OSBPL3: variants seen among roughly 807,000 people sequenced by gnomAD.
OSBPL3 encodes oxysterol binding protein like 3.
In OSBPL3, 65 loss-of-function variants were observed where a neutral mutation model predicts 120.1. The observed-to-expected ratio is 0.54, with a 90% CI of 0.44 to 0.67. OSBPL3 has a LOEUF of 0.67. Ranked by LOEUF, OSBPL3 falls within the 30% of genes least tolerant of loss-of-function variation. OSBPL3 has a pLI of 0.00. For synonymous variants in OSBPL3, 416 were observed against 402.6 expected (o/e 1.03, Z -0.40); for missense variants, 1,004 against 1,082.1 (o/e 0.93, Z 1.01).
rs1270553842 is a variant in OSBPL3 at position 24,817,252 on chromosome 7, C to A, written c.1949-564G>T. Among the ~76,000 whole-genome samples, 1 of 152,196 alleles carries A rather than the reference C, an allele frequency of 6.6e-6. No homozygotes were observed. Among genetic ancestry groups the A allele is most frequent in the Non-Finnish European group, 1.5e-5 (1 of 68,040 alleles). ...GAGAACAAAACCAGGTGCAGTGGCT[C>A]ATGCCTGTAATCCTAGCACTTTGGG... is the stretch of plus-strand genomic sequence containing the variant. On this transcript the variant is annotated intron_variant, in intron 17 of 22. Transcript: ENST00000313367. This position sits in a 1 kb window ranked among gnomAD's most constrained non-coding sequence, Gnocchi z 4.0.
rs112705502 is a variant in OSBPL3, at chr7:24,894,933, T to C, written c.-149-2312A>G. Among the ~76,000 whole-genome samples the C allele has an allele frequency of 7.7e-4, 117 of 152,278 alleles. 1 individual carries two copies. Among genetic ancestry groups the C allele is most frequent in the African/African-American group, 2.8e-3 (115 of 41,556 alleles). ...ATCCAATAGCTATCAAAGTTGGCACTTAGAGCCAAGGGCTCTGCCAGCATG... is the reference window on the plus strand; with the variant it reads ...ATCCAATAGCTATCAAAGTTGGCACCTAGAGCCAAGGGCTCTGCCAGCATG... On this transcript the variant is annotated intron_variant, in intron 1 of 22. Transcript: ENST00000313367. The surrounding 1 kb of genome is among the most constrained non-coding windows in gnomAD (Gnocchi z 4.1).
chr7:24,819,817 A>C lies in OSBPL3; in HGVS notation c.1948+358T>G, dbSNP rs1234812171. On this transcript the variant is annotated intron_variant, in intron 17 of 22. Transcript: ENST00000313367. This position sits in a 1 kb window ranked among gnomAD's most constrained non-coding sequence, Gnocchi z 4.1. ...TTTAGGAACAATCATCTCAAAAATG[A>C]AAAGAAGTAAGCAATGTAAAACACG... Among the ~76,000 whole-genome samples, 1 of 152,242 alleles carries C rather than the reference A, an allele frequency of 6.6e-6. No individual in the cohort carries two copies. Among genetic ancestry groups the C allele is most frequent in the African/African-American group, 2.4e-5 (1 of 41,464 alleles).
At chr7:24,846,011 G>A (rs2128215620) in intron 12 of OSBPL3, among the ~76,000 whole-genome samples, 1 of 152,266 alleles carries the variant, frequency 6.6e-6, no homozygotes, top group South Asian at 2.1e-4. Context: ...TTATAATAAT[G>A]TAATAAATTT....
intron 1 of OSBPL3, among the ~76,000 whole-genome samples, chr7:24,925,755 C>T (rs896943135): frequency 2.6e-5 from 4 of 152,178 alleles, no homozygotes; most frequent in African/African-American, 9.7e-5. Context: ...AGAGATAGGT[C>T]CTACTGATGG....
chr7:24,855,942 C>T lies in OSBPL3; in HGVS notation c.1028-3308G>A, dbSNP rs570758422. Among the ~76,000 whole-genome samples the T allele has an allele frequency of 1.1e-4, 16 of 152,330 alleles. No individual in the cohort carries two copies. The highest frequency in any genetic ancestry group is 3.3e-4 in the Admixed American group (5 of 15,314). On this transcript the variant is annotated intron_variant, in intron 10 of 22. Coordinates refer to ENST00000313367, the MANE Select transcript of OSBPL3 (RefSeq NM_015550.4). This position sits in a 1 kb window ranked among gnomAD's most constrained non-coding sequence, Gnocchi z 4.3. ...CAACTCTTCACATCTCCAGCTTCCC[C>T]GCCAAATGGTCTGCTGGCCCACGCT...
intron 1 of OSBPL3, among the ~76,000 whole-genome samples, chr7:24,941,094 C>G (rs1257908995): frequency 6.6e-6 from 1 of 152,200 alleles, no homozygotes; most frequent in East Asian, 1.9e-4. Flanking sequence ...GCTGGGATTA[C>G]AGGCGTGAGC....
intron 12 of OSBPL3, among the ~76,000 whole-genome samples, chr7:24,845,716 C>G (rs76945944): frequency 0.045 from 6,761 of 149,608 alleles, 241 homozygotes; most frequent in African/African-American, 0.095. Context: ...TCTATTGCAA[C>G]CCAATTTAGA....
intron 1 of OSBPL3, among the ~76,000 whole-genome samples, chr7:24,901,795 G>A (rs79855739): frequency 0.015 from 2,288 of 152,324 alleles, 48 homozygotes; most frequent in African/African-American, 0.051. Context: ...ACAAGACAAT[G>A]TGTGCACCAA....
chr7:24,946,097 C>T lies in OSBPL3; in HGVS notation c.-150+33789G>A, dbSNP rs1004072366. Among the ~76,000 whole-genome samples, 6 of 152,078 alleles carry T rather than the reference C, an allele frequency of 3.9e-5. 1 individual carries two copies. In the South Asian group the frequency reaches 1.2e-3, roughly 32 times the overall value. Reference sequence around the variant, plus strand: ...TCAGCTGGGTAGGTGTCCTAGGTGGCTCCCTCCCAAGGCTGGTAGTCAATG... The same window carrying T: ...TCAGCTGGGTAGGTGTCCTAGGTGGTTCCCTCCCAAGGCTGGTAGTCAATG... On this transcript the variant is annotated intron_variant, in intron 1 of 22. Transcript: ENST00000313367. The surrounding 1 kb of genome is among the most constrained non-coding windows in gnomAD (Gnocchi z 4.3).
Position 24,879,076 on chromosome 7 carries a change from GA to G in OSBPL3, c.97-7008del, listed in dbSNP as rs1803269580. On this transcript the variant is annotated intron_variant, in intron 2 of 22. Transcript: ENST00000313367. This position sits in a 1 kb window ranked among gnomAD's most constrained non-coding sequence, Gnocchi z 5.6. The stretch of plus-strand genomic sequence containing the variant: ...TGTCTTACTATCTAATGAGTGCTAT[GA>G]AAAATGGCAAAAACATGGCTGATCT... Among the ~76,000 whole-genome samples the G allele has an allele frequency of 6.6e-6, 1 of 152,196 alleles. No individual in the cohort carries two copies. Among genetic ancestry groups the G allele is most frequent in the Non-Finnish European group, 1.5e-5 (1 of 68,040 alleles).
At chr7:24,866,326 CCT>C in intron 5 of OSBPL3, 89 bp from the exon 6 acceptor site, 3 of 999,552 alleles carry the variant, frequency 3.0e-6, no homozygotes, top group Middle Eastern at 2.3e-4. Flanking sequence ...CTCTCAAAAT[CCT>C]CTTTTTCAGT....
At chr7:24,950,437 T>C (rs1394145343) in intron 1 of OSBPL3, among the ~76,000 whole-genome samples, 3 of 152,190 alleles carry the variant, frequency 2.0e-5, no homozygotes, top group African/African-American at 7.2e-5. Context: ...ACACAAAACA[T>C]GTAGGCCGGG....
chr7:24,978,100 C>T (rs1817784843), intron 1 of OSBPL3, among the ~76,000 whole-genome samples: 1 of 152,192 alleles, frequency 6.6e-6, no homozygotes, highest in Non-Finnish European at 1.5e-5. Flanking sequence ...CCTAGTTCTG[C>T]CAGGATAACC....
rs34702159 is a variant in OSBPL3 at position 24,852,515 on chromosome 7, C to A, written c.1147G>T (p.Ala383Ser). The A allele has an allele frequency of 5.7e-6, 9 of 1,581,354 alleles. No homozygotes were observed. The highest frequency in any genetic ancestry group is 6.8e-6 in the Non-Finnish European group (8 of 1,170,458). The part of the protein sequence containing the change: ...PSAQVIGLKN[A>S]LSSALAQNTD... ...GACATGTAACTTACGGATGACAGGG[C>A]GTTCTTCAGACCAATGACCTGAGCA... The change falls in exon 11 of 23, where the codon GCC becomes TCC. Residue 383 changes from alanine (A) to serine (S), a missense_variant. Around this residue, in one of 4 missense-constraint regions of OSBPL3, gnomAD observed 272 missense variants for 248.8 expected, o/e 1.09. Coordinates refer to ENST00000313367, the MANE Select transcript of OSBPL3 (RefSeq NM_015550.4). The surrounding 1 kb of genome is among the most constrained non-coding windows in gnomAD (Gnocchi z 4.1).
Position 24,818,980 on chromosome 7 carries a change from C to T in OSBPL3, c.1948+1195G>A, listed in dbSNP as rs536460301. ...AAAAAAAATCCAACTTTTGGCTGGG[C>T]GCAGTGGCTCATGCCTGTAATCCCA... On this transcript the variant is annotated intron_variant, in intron 17 of 22. Transcript: ENST00000313367. The surrounding 1 kb of genome is among the most constrained non-coding windows in gnomAD (Gnocchi z 4.0). Among the ~76,000 whole-genome samples, 74 of 152,240 alleles carry T rather than the reference C, an allele frequency of 4.9e-4. No homozygotes were observed. The highest frequency in any genetic ancestry group is 3.4e-3 in the Middle Eastern group (1 of 294).
At chr7:24,841,324 T>C (rs969498060) in intron 13 of OSBPL3, among the ~76,000 whole-genome samples, 3 of 151,714 alleles carry the variant, frequency 2.0e-5, no homozygotes, top group Admixed American at 6.6e-5. Context: ...TTATATATTA[T>C]AAATCAATAT....
intron 1 of OSBPL3, among the ~76,000 whole-genome samples, chr7:24,948,399 A>T (rs74568114): frequency 0.028 from 3,792 of 133,822 alleles, 145 homozygotes; most frequent in African/African-American, 0.097. Flanking sequence ...TTTTTTTTTT[A>T]AAAAGACCCT....
chr7:24,865,593 T>C (rs991579162), intron 6 of OSBPL3, 128 bp from the exon 7 acceptor site: 6 of 887,640 alleles, frequency 6.8e-6, no homozygotes, highest in Non-Finnish European at 1.0e-5. Context: ...GGAAGAAGCT[T>C]CTAGCAAAGT....
At position 24,896,319 on chromosome 7, in the gene OSBPL3, G is replaced by T. The variant is rs947716735; in HGVS notation, c.-149-3698C>A. Reference sequence around the variant, plus strand: ...GTGTCAGTTCAAAAATGACGTTTGTGCCTCTAAGATGAGCTTCATTGTCTC... The same window carrying T: ...GTGTCAGTTCAAAAATGACGTTTGTTCCTCTAAGATGAGCTTCATTGTCTC... On this transcript the variant is annotated intron_variant, in intron 1 of 22. Transcript: ENST00000313367. The surrounding 1 kb of genome is among the most constrained non-coding windows in gnomAD (Gnocchi z 4.4). 6.6e-6 allele frequency among the ~76,000 whole-genome samples: 1 copy of T among 152,222 alleles called. No homozygotes were observed. The highest frequency in any genetic ancestry group is 1.5e-5 in the Non-Finnish European group (1 of 68,040).
Sources: allele counts gnomAD v4.1 joint callset (sites outside exome capture counted in the v4.1 genomes callset), GRCh38; gene constraint gnomAD v4.1.1; regional missense constraint gnomAD v4.1.1; non-coding constraint Gnocchi (gnomAD v3.1); transcripts MANE v1.5; gene names NCBI Gene and HGNC (gene_info 2026-07-23, HGNC 2026-07-21).